The following MAD1L1 variants were observed in gnomAD, a reference collection of about 807,000 sequenced individuals.
The protein encoded by MAD1L1 is mitotic spindle assembly checkpoint protein MAD1.
A neutral mutation model predicts 96.9 loss-of-function variants in MAD1L1; 95 were observed. The ratio of observed to expected loss-of-function variants is 0.98; its 90% CI spans 0.83 to 1.16. The LOEUF (loss-of-function observed/expected upper bound fraction) is 1.16. Among genes scored for constraint, MAD1L1 ranks in the 50% most tolerant of loss-of-function variants. The probability of loss-of-function intolerance (pLI) is 0.00; values close to 1 mark genes in which losing one functional copy is unlikely to be tolerated. For missense variants in MAD1L1, 1,007 were observed against 954.4 expected, an observed-to-expected ratio of 1.06 and a Z score of -0.73; for synonymous variants, 473 against 396.6, an observed-to-expected ratio of 1.19 and a Z score of -2.29.
At chr7:1,871,256 C>CAT (rs1785073981) in intron 18 of MAD1L1, among the ~76,000 whole-genome samples, 1 of 142,428 alleles carries the variant, frequency 7.0e-6, no homozygotes. Flanking sequence ...ACGCTGAACC[C>CAT]AACATAAGCC....
At chr7:1,988,606 C>A (rs1424437234) in intron 14 of MAD1L1, among the ~76,000 whole-genome samples, 2 of 152,178 alleles carry the variant, frequency 1.3e-5, no homozygotes, top group African/African-American at 2.4e-5. Flanking sequence ...GCAGCACAGT[C>A]CCTGACGGAC....
chr7:2,192,750 C>A (rs1791789781), intron 10 of MAD1L1, among the ~76,000 whole-genome samples: 1 of 152,146 alleles, frequency 6.6e-6, no homozygotes, highest in Admixed American at 6.5e-5. Context: ...AAAAGGATGT[C>A]ATTAATAAAT....
chr7:2,123,230 G>A (rs867736486), intron 11 of MAD1L1, among the ~76,000 whole-genome samples: 3 of 149,046 alleles, frequency 2.0e-5, no homozygotes, highest in Non-Finnish European at 3.0e-5. Flanking sequence ...GCATGAACCC[G>A]GAAAGCGGAG....
chr7:2,222,199 G>A (rs186826763), intron 5 of MAD1L1, among the ~76,000 whole-genome samples: 20 of 151,378 alleles, frequency 1.3e-4, no homozygotes, highest in African/African-American at 3.9e-4. Flanking sequence ...TCAGCCTCCC[G>A]AGTCCCACAG....
chr7:2,218,402 A>G (rs1334330992), intron 6 of MAD1L1, among the ~76,000 whole-genome samples: 1 of 152,200 alleles, frequency 6.6e-6, no homozygotes, highest in Non-Finnish European at 1.5e-5. Context: ...GGCCCCACCC[A>G]GGAATGACCT....
chr7:2,051,232 T>C (rs1435530723), intron 12 of MAD1L1, among the ~76,000 whole-genome samples: 1 of 152,192 alleles, frequency 6.6e-6, no homozygotes, highest in African/African-American at 2.4e-5. Context: ...CTGTGCCAGC[T>C]GGATGATGCC....
chr7:2,186,507 C>T (rs1791467223), intron 10 of MAD1L1, among the ~76,000 whole-genome samples: 1 of 152,184 alleles, frequency 6.6e-6, no homozygotes, highest in South Asian at 2.1e-4. Context: ...TAGCAAACTG[C>T]TAATGTTAAC....
intron 10 of MAD1L1, among the ~76,000 whole-genome samples, chr7:2,161,398 C>G (rs1263422803): frequency 6.6e-6 from 1 of 152,086 alleles, no homozygotes; most frequent in Non-Finnish European, 1.5e-5. Flanking sequence ...GAGTCTCACT[C>G]ACTCAGTGCT....
At chr7:1,818,575 CTTTAGCTATT>C (rs1781951696) in intron 18 of MAD1L1, among the ~76,000 whole-genome samples, 1 of 151,672 alleles carries the variant, frequency 6.6e-6, no homozygotes, top group Non-Finnish European at 1.5e-5. Context: ...GATAGATAGA[CTTTAGCTATT>C]TTGCCCAGGC....
chr7:2,104,192 C>T (rs1391938843), intron 11 of MAD1L1, among the ~76,000 whole-genome samples: 1 of 152,218 alleles, frequency 6.6e-6, no homozygotes. Flanking sequence ...AGGACAAAGG[C>T]AGAGCAGATA....
chr7:1,874,738 C>G (rs1328050954), intron 18 of MAD1L1, among the ~76,000 whole-genome samples: 1 of 152,000 alleles, frequency 6.6e-6, no homozygotes, highest in Non-Finnish European at 1.5e-5. Context: ...GCCCTCCCGC[C>G]TGGGCACTTA....
rs192215547 is a variant in MAD1L1 at position 2,017,681 on chromosome 7, A to G, written c.1219-3039T>C. On this transcript the variant is annotated intron_variant, in intron 12 of 18. Coordinates refer to ENST00000265854, the MANE Select transcript of MAD1L1 (RefSeq NM_001013836.2). ...CAGAGGACCCTTGCGAAAGAGCAAGAGAGATAATGACGCTCATTCCCTCAT... is the reference window on the plus strand; with the variant it reads ...CAGAGGACCCTTGCGAAAGAGCAAGGGAGATAATGACGCTCATTCCCTCAT... Among the ~76,000 whole-genome samples, 54 of 152,310 alleles carry G rather than the reference A, an allele frequency of 3.5e-4. No individual in the cohort carries two copies. The East Asian group carries it at 9.6e-3, about 27-fold the overall frequency.
chr7:1,844,915 A>C (rs901686762), intron 18 of MAD1L1, among the ~76,000 whole-genome samples: 5 of 152,206 alleles, frequency 3.3e-5, no homozygotes, highest in African/African-American at 1.2e-4. Context: ...CGGAGACAGT[A>C]TGCTGCTGGT....
chr7:1,908,474 G>T (rs10232234), intron 17 of MAD1L1, among the ~76,000 whole-genome samples: 68,553 of 151,876 alleles, frequency 0.45, 15,718 homozygotes, highest in Admixed American at 0.55. Context: ...CTCGAACTCC[G>T]GGGCTCAAGC....
intron 18 of MAD1L1, among the ~76,000 whole-genome samples, chr7:1,824,228 A>G (rs868660867): frequency 1.1e-4 from 17 of 151,752 alleles, no homozygotes; most frequent in Admixed American, 6.6e-4. Flanking sequence ...CTCTTACACC[A>G]CCTGCTTGTG....
chr7:1,987,663 C>CCCGCACGGCAGGGCCACGG (rs973335316), intron 14 of MAD1L1, among the ~76,000 whole-genome samples: 1 of 152,210 alleles, frequency 6.6e-6, no homozygotes, highest in Non-Finnish European at 1.5e-5. Flanking sequence ...AGCCGCCGGG[C>CCCGCACGGCAGGGCCACGG]CCGCACGGCA....
intron 11 of MAD1L1, among the ~76,000 whole-genome samples, chr7:2,101,563 T>C (rs1584322519): frequency 6.6e-6 from 1 of 151,544 alleles, no homozygotes; most frequent in East Asian, 2.0e-4. Context: ...GGCAGGAGAC[T>C]GGGGCTCCAC....
At chr7:2,186,695 C>G (rs917819043) in intron 10 of MAD1L1, among the ~76,000 whole-genome samples, 1 of 152,204 alleles carries the variant, frequency 6.6e-6, no homozygotes, top group African/African-American at 2.4e-5. Flanking sequence ...AGCCTCTTCT[C>G]GCCTTGAGGG....
At chr7:1,873,021 G>A (rs554752470) in intron 18 of MAD1L1, among the ~76,000 whole-genome samples, 29 of 152,352 alleles carry the variant, frequency 1.9e-4, no homozygotes, top group Non-Finnish European at 4.0e-4. Flanking sequence ...GGTGAGAAAC[G>A]GAGAGAAGAA....
Sources: allele counts gnomAD v4.1 joint callset (sites outside exome capture counted in the v4.1 genomes callset), GRCh38; gene constraint gnomAD v4.1.1; transcripts MANE v1.5; gene names NCBI Gene and HGNC (gene_info 2026-07-23, HGNC 2026-07-21).